Variants in PTK7 observed in about 807,000 individuals in gnomAD.
PTK7 encodes the protein inactive tyrosine-protein kinase 7.
PTK7 carries 39 observed loss-of-function variants against 116.6 expected under a neutral mutation model. The ratio of observed to expected loss-of-function variants is 0.33; its 90% CI spans 0.26 to 0.44. The LOEUF (loss-of-function observed/expected upper bound fraction) is 0.44. Among genes scored for constraint, PTK7 ranks in the 20% least tolerant of loss-of-function variants. The probability of loss-of-function intolerance (pLI) is 1.00; values close to 1 mark genes in which losing one functional copy is unlikely to be tolerated. For synonymous variants in PTK7, 546 were observed against 563.6 expected, an observed-to-expected ratio of 0.97 and a Z score of 0.44; for missense variants, 1,169 against 1,425.6, an observed-to-expected ratio of 0.82 and a Z score of 2.90.
At chr6:43,158,792 C>T (rs763173531) in intron 17 of PTK7, 25 bp from the exon 18 acceptor site, 1 of 1,610,402 alleles carries the variant, frequency 6.2e-7, no homozygotes. Context: ...CTGGGCTGCT[C>T]TAACAGGCCC....
chr6:43,129,868 C>G lies in PTK7; in HGVS notation c.470+39C>G. ...GAGGTGGGGATGAAGAGGGTTATTCCGGACAGGGATGTCTCCCCAAATCTT... is the reference window on the plus strand; with the variant it reads ...GAGGTGGGGATGAAGAGGGTTATTCGGGACAGGGATGTCTCCCCAAATCTT... On this transcript the variant is annotated intron_variant, in intron 3 of 19. Coordinates refer to ENST00000230419, the MANE Select transcript of PTK7 (RefSeq NM_002821.5). This position sits in a 1 kb window ranked among gnomAD's most constrained non-coding sequence, Gnocchi z 4.5. 6.3e-7 allele frequency: 1 copy of G among 1,582,270 alleles called. No homozygotes were observed.
At chr6:43,108,445 G>A (rs1295204189) in intron 1 of PTK7, among the ~76,000 whole-genome samples, 1 of 150,666 alleles carries the variant, frequency 6.6e-6, no homozygotes, top group African/African-American at 2.4e-5. Flanking sequence ...TGTTGCCCAG[G>A]CTGGAGTGCA....
chr6:43,105,347 G>A (rs76768632), intron 1 of PTK7, among the ~76,000 whole-genome samples: 2,036 of 150,118 alleles, frequency 0.014, 23 homozygotes, highest in East Asian at 0.039. Flanking sequence ...TGGATAAATA[G>A]GTTATGGGTA....
intron 1 of PTK7, among the ~76,000 whole-genome samples, chr6:43,085,078 T>C (rs190858701): frequency 6.6e-6 from 1 of 152,304 alleles, no homozygotes; most frequent in African/African-American, 2.4e-5. Context: ...TTAGTTAACC[T>C]TTCTGAGCCT....
At chr6:43,086,573 C>T (rs1047846806) in intron 1 of PTK7, among the ~76,000 whole-genome samples, 5 of 152,182 alleles carry the variant, frequency 3.3e-5, no homozygotes, top group African/African-American at 4.8e-5. Context: ...CAGTGGCTTA[C>T]GCCTGTAATC....
intron 1 of PTK7, among the ~76,000 whole-genome samples, chr6:43,094,770 G>A (rs1020268565): frequency 1.3e-5 from 2 of 151,830 alleles, no homozygotes; most frequent in African/African-American, 2.4e-5. Flanking sequence ...GAGCTACTGC[G>A]CCCGGCCACA....
intron 7 of PTK7, chr6:43,133,651 C>G (rs1769847714): frequency 6.6e-6 from 1 of 152,196 alleles, no homozygotes; most frequent in African/African-American, 2.4e-5. Flanking sequence ...TATACCATGC[C>G]TTGTTCCAAA....
At chr6:43,127,604 C>T (rs1430641529) in intron 1 of PTK7, among the ~76,000 whole-genome samples, 1 of 152,184 alleles carries the variant, frequency 6.6e-6, no homozygotes, top group Admixed American at 6.5e-5. Flanking sequence ...GAGAAGCTGA[C>T]CTTGGCCACA....
chr6:43,159,756 C>T (rs1422165533), intron 18 of PTK7, 32 bp from the exon 19 acceptor site: 6 of 1,612,456 alleles, frequency 3.7e-6, no homozygotes, highest in Non-Finnish European at 5.1e-6. Flanking sequence ...GCTCCCACCC[C>T]ACCTCACCCC....
In PTK7 at chr6:43,090,159, G is replaced by A. The variant is rs1050006668; in HGVS notation, c.79+13592G>A. ...CTGCACAGCTGCCGCTGGTGACCCA[G>A]AAAGGGGTAGGAGAGCGTGGGCTCA... is the stretch of plus-strand genomic sequence containing the variant. On this transcript the variant is annotated intron_variant, in intron 1 of 19. Transcript: ENST00000230419. 2.0e-5 allele frequency among the ~76,000 whole-genome samples: 3 copies of A among 152,230 alleles called. No homozygotes were observed. The East Asian group carries it at 5.8e-4, about 29-fold the overall frequency.
chr6:43,084,703 G>C (rs1486988492), intron 1 of PTK7, among the ~76,000 whole-genome samples: 1 of 152,172 alleles, frequency 6.6e-6, no homozygotes, highest in Non-Finnish European at 1.5e-5. Context: ...AAGTATGAAA[G>C]ACACCATTTG....
At chr6:43,142,132 C>T (rs200956359) in intron 12 of PTK7, 40 bp from the exon 13 acceptor site, 46 of 1,612,140 alleles carry the variant, frequency 2.9e-5, no homozygotes. Context: ...CAGCCCCCCT[C>T]CCTGCGAGCT....
chr6:43,109,990 G>A (rs1768103373), intron 1 of PTK7, among the ~76,000 whole-genome samples: 1 of 145,310 alleles, frequency 6.9e-6, no homozygotes, highest in Non-Finnish European at 1.5e-5. Flanking sequence ...GAGCCACCAT[G>A]CCCGGCCTTT....
chr6:43,146,865 C>A (rs1478687035), intron 17 of PTK7, among the ~76,000 whole-genome samples, 167 bp downstream of exon 17: 1 of 152,192 alleles, frequency 6.6e-6, no homozygotes, highest in Non-Finnish European at 1.5e-5. Context: ...TACTACTATC[C>A]CCATTTTGTG....
intron 3 of PTK7, 24 bp from the exon 4 acceptor site, chr6:43,130,206 C>T (rs771514945): frequency 6.5e-7 from 1 of 1,547,514 alleles, no homozygotes; most frequent in Non-Finnish European, 8.8e-7. Context: ...CTCCCCACCA[C>T]TGCTGACTGT....
In PTK7 at chr6:43,130,538, C is replaced by G. The variant is rs1483467348; in HGVS notation, c.689C>G (p.Ala230Gly). 1 of 1,613,908 alleles carries G rather than the reference C, an allele frequency of 6.2e-7. No individual in the cohort carries two copies. Among genetic ancestry groups the G allele is most frequent in the Non-Finnish European group, 8.5e-7 (1 of 1,179,950 alleles). Residue 230 changes from alanine to glycine, a missense_variant, in exon 5 of 20, where the codon GCA becomes GGA. By Grantham distance (60) the Ala-to-Gly change is moderately conservative. This residue lies in a region of PTK7 where 487 missense variants were observed against 549.8 expected (regional missense o/e 0.89). Transcript: ENST00000230419. ...GAAAGCTTTGCCAGGGTGGTGCTGG[C>G]ACCCCAGGACGTGGTAGTAGCGAGG... The part of the protein sequence containing the change: ...ADESFARVVL[A>G]PQDVVVARYE...
intron 1 of PTK7, among the ~76,000 whole-genome samples, chr6:43,099,286 G>A (rs1480223827): frequency 6.7e-6 from 1 of 149,388 alleles, no homozygotes; most frequent in African/African-American, 2.5e-5. Context: ...AGACTGGAGT[G>A]CAGTGGCACA....
chr6:43,141,135 A>G lies in PTK7; in HGVS notation c.1619-533A>G, dbSNP rs1770376932. ...TTTGGGAAAGATTCCCAGAATTGGG[A>G]TAATTATGCACGAAAGGGGGTATGA... On this transcript the variant is annotated intron_variant, in intron 10 of 19. Transcript: ENST00000230419. The surrounding 1 kb of genome is among the most constrained non-coding windows in gnomAD (Gnocchi z 4.9). 6.6e-6 allele frequency among the ~76,000 whole-genome samples: 1 copy of G among 151,786 alleles called. No homozygotes were observed. Among genetic ancestry groups the G allele is most frequent in the Non-Finnish European group, 1.5e-5 (1 of 67,980 alleles).
intron 17 of PTK7, among the ~76,000 whole-genome samples, chr6:43,155,761 A>G (rs1356070837): frequency 6.6e-6 from 1 of 151,864 alleles, no homozygotes; most frequent in Non-Finnish European, 1.5e-5. Context: ...AATCTCCCCA[A>G]CTCTTTCACT....
Sources: allele counts gnomAD v4.1 joint callset (sites outside exome capture counted in the v4.1 genomes callset), GRCh38; gene constraint gnomAD v4.1.1; regional missense constraint gnomAD v4.1.1; non-coding constraint Gnocchi (gnomAD v3.1); transcripts MANE v1.5; gene names NCBI Gene and HGNC (gene_info 2026-07-23, HGNC 2026-07-21).